Variants in TUBGCP3 observed in about 807,000 individuals in gnomAD.
The protein encoded by TUBGCP3 is gamma-tubulin complex component 3.
Under a neutral mutation model 123.1 loss-of-function variants are expected in TUBGCP3, and 50 were observed. The observed-to-expected ratio is 0.41, with a 90% CI of 0.32 to 0.51. The LOEUF is 0.51. Among genes scored for constraint, TUBGCP3 ranks in the 20% least tolerant of loss-of-function variants. The pLI, the probability that TUBGCP3 is intolerant of heterozygous loss-of-function variation, is 0.36. For missense variants in TUBGCP3, 882 were observed against 1,127.0 expected, an observed-to-expected ratio of 0.78 and a Z score of 3.11; for synonymous variants, 405 against 413.9, an observed-to-expected ratio of 0.98 and a Z score of 0.26.
intron 1 of TUBGCP3, among the ~76,000 whole-genome samples, chr13:112,581,389 T>A (rs1397725052): frequency 6.6e-6 from 1 of 152,212 alleles, no homozygotes; most frequent in African/African-American, 2.4e-5. Context: ...TATATATTAA[T>A]TTTACAAATA....
chr13:112,491,178 T>C (rs902760341), intron 20 of TUBGCP3, among the ~76,000 whole-genome samples: 3 of 152,238 alleles, frequency 2.0e-5, no homozygotes, highest in African/African-American at 7.2e-5. Context: ...AATTATGTCC[T>C]TTGGCTTTTT....
intron 14 of TUBGCP3, chr13:112,521,742 G>T: frequency 1.0e-6 from 1 of 985,414 alleles, no homozygotes; most frequent in Non-Finnish European, 1.2e-6. Context: ...GGCCCAGGCT[G>T]TGGACCCCTG....
the TUBGCP3 span, chr13:112,603,820 CAG>C: frequency 6.6e-6 from 1 of 152,252 alleles, no homozygotes; most frequent in South Asian, 2.1e-4. Flanking sequence ...CTAACATACA[CAG>C]AGTGAAAGGA....
At chr13:112,590,899 A>G (rs1387539593), upstream of TUBGCP3, among the ~76,000 whole-genome samples, 1 of 152,216 alleles carries the variant, frequency 6.6e-6, no homozygotes, top group Non-Finnish European at 1.5e-5. Context: ...GTAAACACCA[A>G]CTGTCTTCAT....
chr13:112,595,075 A>T, the TUBGCP3 span, among the ~76,000 whole-genome samples: 2 of 152,218 alleles, frequency 1.3e-5, no homozygotes, highest in African/African-American at 4.8e-5. Context: ...TTGATTGTTC[A>T]TAAGTTGTTC....
At chr13:112,514,427 G>A (rs1213938711) in intron 17 of TUBGCP3, among the ~76,000 whole-genome samples, 1 of 152,164 alleles carries the variant, frequency 6.6e-6, no homozygotes, top group Non-Finnish European at 1.5e-5. Flanking sequence ...CAAGGTGGGA[G>A]GATCACTTGA....
intron 20 of TUBGCP3, among the ~76,000 whole-genome samples, chr13:112,492,080 T>C (rs1880135287): frequency 1.3e-5 from 2 of 152,252 alleles, no homozygotes; most frequent in African/African-American, 2.4e-5. Context: ...GTTACCTTTA[T>C]ACCTTCACTT....
intron 19 of TUBGCP3, among the ~76,000 whole-genome samples, chr13:112,500,671 G>A (rs1880843417): frequency 6.6e-6 from 1 of 152,192 alleles, no homozygotes; most frequent in African/African-American, 2.4e-5. Context: ...TAACAGGAGA[G>A]GTTCCAAGCC....
intron 14 of TUBGCP3, among the ~76,000 whole-genome samples, chr13:112,520,838 AG>A (rs1876557593): frequency 6.6e-6 from 1 of 152,244 alleles, no homozygotes; most frequent in African/African-American, 2.4e-5. Context: ...TGACCAAGTT[AG>A]GAACACCACT....
intron 1 of TUBGCP3, among the ~76,000 whole-genome samples, chr13:112,581,235 G>A (rs147182108): frequency 6.6e-6 from 1 of 152,254 alleles, no homozygotes; most frequent in Non-Finnish European, 1.5e-5. Context: ...GCAGACACAA[G>A]CGCACTGTGT....
At chr13:112,501,132 C>A (rs1432505928) in intron 19 of TUBGCP3, among the ~76,000 whole-genome samples, 1 of 152,220 alleles carries the variant, frequency 6.6e-6, no homozygotes, top group East Asian at 1.9e-4. Flanking sequence ...TCAGGGGATG[C>A]TGTTCCTAAC....
At chr13:112,542,428 ATG>A (rs1878600213) in intron 11 of TUBGCP3, among the ~76,000 whole-genome samples, 1 of 152,220 alleles carries the variant, frequency 6.6e-6, no homozygotes, top group African/African-American at 2.4e-5. Context: ...CATTACCTAC[ATG>A]TCCTTAGCAC....
chr13:112,525,433 C>T (rs1050680075), intron 13 of TUBGCP3, among the ~76,000 whole-genome samples: 2 of 152,212 alleles, frequency 1.3e-5, no homozygotes, highest in African/African-American at 4.8e-5. Context: ...CTACACATCT[C>T]CTCTCCAAGA....
At chr13:112,543,893 G>A (rs1016589457) in intron 11 of TUBGCP3, among the ~76,000 whole-genome samples, 8 of 152,038 alleles carry the variant, frequency 5.3e-5, no homozygotes, top group Non-Finnish European at 8.8e-5. Flanking sequence ...ATGGGCAAAG[G>A]AAACTAACAG....
chr13:112,519,884 A>G lies in TUBGCP3; in HGVS notation c.1881+2T>C. On this transcript the variant is annotated splice_donor_variant, in intron 15 of 21. Coordinates refer to ENST00000261965, the MANE Select transcript of TUBGCP3 (RefSeq NM_006322.6). LOFTEE classifies it high-confidence loss of function. This position sits in a 1 kb window ranked among gnomAD's most constrained non-coding sequence, Gnocchi z 6.2. ...CGTTCCCAACACGCAGAGCCGCAGT[A>G]CCTCCAGCAGCCGCACGTCCAGCCT... 6.2e-7 allele frequency: 1 copy of G among 1,612,910 alleles called. No individual in the cohort carries two copies. The highest frequency in any genetic ancestry group is 8.5e-7 in the Non-Finnish European group (1 of 1,179,168).
chr13:112,580,954 G>T (rs975144988), intron 1 of TUBGCP3, among the ~76,000 whole-genome samples: 1 of 152,042 alleles, frequency 6.6e-6, no homozygotes, highest in Admixed American at 6.5e-5. Context: ...TTCCACCTTT[G>T]CCCCCTTAGA....
chr13:112,535,243 T>C (rs1194853788), intron 11 of TUBGCP3, among the ~76,000 whole-genome samples: 1 of 152,264 alleles, frequency 6.6e-6, no homozygotes, highest in East Asian at 1.9e-4. Flanking sequence ...ATGATGCTGC[T>C]ATGAATGTTC....
the TUBGCP3 span, among the ~76,000 whole-genome samples, chr13:112,602,339 C>T: frequency 6.6e-6 from 1 of 152,192 alleles, no homozygotes; most frequent in African/African-American, 2.4e-5. Context: ...TATTCCCCTT[C>T]TGCTTGAACA....
At chr13:112,514,600 A>G (rs1875920273) in intron 17 of TUBGCP3, among the ~76,000 whole-genome samples, 1 of 152,262 alleles carries the variant, frequency 6.6e-6, no homozygotes, top group African/African-American at 2.4e-5. Context: ...ATTTGAATTA[A>G]TAGCCAATGT....
Sources: allele counts gnomAD v4.1 joint callset (sites outside exome capture counted in the v4.1 genomes callset), GRCh38; gene constraint gnomAD v4.1.1; non-coding constraint Gnocchi (gnomAD v3.1); transcripts MANE v1.5; gene names NCBI Gene and HGNC (gene_info 2026-07-23, HGNC 2026-07-21).